The following CACNA2D3 variants were observed in gnomAD, a reference collection of about 807,000 sequenced individuals.
The protein encoded by CACNA2D3 is calcium voltage-gated channel auxiliary subunit alpha2delta 3.
CACNA2D3 carries 60 observed loss-of-function variants against 160.6 expected under a neutral mutation model. The ratio of observed to expected loss-of-function variants is 0.37; its 90% CI spans 0.30 to 0.46. CACNA2D3 has a LOEUF of 0.46. Among genes scored for constraint, CACNA2D3 ranks in the 20% least tolerant of loss-of-function variants. The pLI is 1.00. For synonymous variants in CACNA2D3, 558 were observed against 492.9 expected, an observed-to-expected ratio of 1.13 and a Z score of -1.75; for missense variants, 1,205 against 1,365.0, an observed-to-expected ratio of 0.88 and a Z score of 1.85.
intron 9 of CACNA2D3, among the ~76,000 whole-genome samples, chr3:54,589,500 A>G (rs1702821949): frequency 6.6e-6 from 1 of 152,144 alleles, no homozygotes; most frequent in African/African-American, 2.4e-5. Context: ...CTTAGGCTTT[A>G]CATCAAAAAT....
intron 2 of CACNA2D3, among the ~76,000 whole-genome samples, chr3:54,191,879 T>G (rs1214933522): frequency 6.6e-6 from 1 of 152,206 alleles, no homozygotes; most frequent in Non-Finnish European, 1.5e-5. Flanking sequence ...CGTTAGCTGT[T>G]GCTGTTGTTG....
At chr3:54,693,565 A>G (rs1371800402) in intron 11 of CACNA2D3, among the ~76,000 whole-genome samples, 1 of 152,230 alleles carries the variant, frequency 6.6e-6, no homozygotes, top group Non-Finnish European at 1.5e-5. Flanking sequence ...TATTGAAAAG[A>G]AAATTTAGCT....
chr3:55,045,329 C>T (rs1420960919), intron 35 of CACNA2D3, among the ~76,000 whole-genome samples: 2 of 152,158 alleles, frequency 1.3e-5, no homozygotes, highest in African/African-American at 4.8e-5. Flanking sequence ...GGATTACAGG[C>T]GTGAGCCACC....
intron 27 of CACNA2D3, among the ~76,000 whole-genome samples, chr3:54,959,588 A>G (rs1049050297): frequency 2.6e-5 from 4 of 152,192 alleles, no homozygotes; most frequent in African/African-American, 7.2e-5. Context: ...AGTAACTGTT[A>G]TTAGGTGGTG....
chr3:54,872,383 C>T (rs1345800074), intron 18 of CACNA2D3, among the ~76,000 whole-genome samples: 1 of 152,152 alleles, frequency 6.6e-6, no homozygotes. Flanking sequence ...GGTCCCTACT[C>T]TTCCCTTTTT....
chr3:55,073,404 C>T (rs774243496), intron 35 of CACNA2D3, 41 bp from the exon 36 acceptor site: 56 of 1,466,398 alleles, frequency 3.8e-5, no homozygotes, highest in Admixed American at 3.4e-4. Flanking sequence ...CTTTAATTGA[C>T]GGATGGTAAA....
At position 54,277,609 on chromosome 3, in the gene CACNA2D3, G is replaced by A. The variant is rs897733228; in HGVS notation, c.205-42833G>A. On this transcript the variant is annotated intron_variant, in intron 2 of 37. Coordinates refer to ENST00000474759, the MANE Select transcript of CACNA2D3 (RefSeq NM_018398.3). ...TTGCTTAGGATTGCCTTGGCTCTAC[G>A]GGCTTTTTTTTGATTCCATATGAAA... Among the ~76,000 whole-genome samples the A allele has an allele frequency of 4.6e-5, 7 of 152,196 alleles. No homozygotes were observed. The South Asian group carries it at 6.2e-4, about 14-fold the overall frequency.
At chr3:54,535,310 C>T (rs35512061) in intron 5 of CACNA2D3, among the ~76,000 whole-genome samples, 7,886 of 152,262 alleles carry the variant, frequency 0.052, 288 homozygotes, top group Non-Finnish European at 0.075. Flanking sequence ...AAATTTAGGA[C>T]TCACTGCTTT....
intron 2 of CACNA2D3, among the ~76,000 whole-genome samples, chr3:54,266,126 T>C (rs1349163216): frequency 2.0e-5 from 3 of 152,156 alleles, no homozygotes; most frequent in Non-Finnish European, 4.4e-5. Flanking sequence ...TGGAAGTTTT[T>C]GGTTGTTGCC....
chr3:54,280,948 C>G (rs535818278), intron 2 of CACNA2D3, among the ~76,000 whole-genome samples: 1 of 152,322 alleles, frequency 6.6e-6, no homozygotes, highest in African/African-American at 2.4e-5. Flanking sequence ...TACTTTCTTG[C>G]TTTTTTCCTT....
intron 13 of CACNA2D3, among the ~76,000 whole-genome samples, chr3:54,795,046 G>A (rs2106656648): frequency 6.6e-6 from 1 of 152,006 alleles, no homozygotes; most frequent in African/African-American, 2.4e-5. Flanking sequence ...TCATCTACTT[G>A]ATATTATCCT....
At chr3:54,445,423 A>G (rs1356076176) in intron 4 of CACNA2D3, among the ~76,000 whole-genome samples, 1 of 152,224 alleles carries the variant, frequency 6.6e-6, no homozygotes, top group African/African-American at 2.4e-5. Flanking sequence ...TTAGGAAACC[A>G]TTTCTGAGCT....
intron 10 of CACNA2D3, chr3:54,633,489 C>T (rs1345738403): frequency 6.6e-6 from 1 of 152,056 alleles, no homozygotes; most frequent in African/African-American, 2.4e-5. Context: ...TAAGAAAAAT[C>T]GGATTTATTG....
rs186772682 is a variant in CACNA2D3 at position 54,581,847 on chromosome 3, T to C, written c.933T>C (p.Thr311=). ...LHYVEPCLNG[T]LVQADRTNKE... is the part of the protein sequence containing the mutation. ...ATGTGGAACCTTGCCTGAATGGAAC[T>C]TTGGTGCAAGCCGACAGGACAAACA... The change falls in exon 9 of 38, where the codon ACT becomes ACC. Residue 311 remains threonine, a synonymous_variant. Coordinates refer to ENST00000474759, the MANE Select transcript of CACNA2D3 (RefSeq NM_018398.3). The C allele has an allele frequency of 6.2e-7, 1 of 1,613,824 alleles. No homozygotes were observed. The highest frequency in any genetic ancestry group is 1.7e-5 in the Admixed American group (1 of 60,002).
intron 27 of CACNA2D3, among the ~76,000 whole-genome samples, chr3:54,952,101 C>G (rs1044560352): frequency 2.6e-5 from 4 of 152,228 alleles, no homozygotes; most frequent in African/African-American, 9.6e-5. Context: ...CCGCCTCAGC[C>G]TCCCAAAGTG....
intron 2 of CACNA2D3, among the ~76,000 whole-genome samples, chr3:54,279,822 A>G (rs968063541): frequency 6.6e-6 from 1 of 152,132 alleles, no homozygotes; most frequent in African/African-American, 2.4e-5. Flanking sequence ...CCTCAACTCC[A>G]TGTGGTTGGT....
intron 3 of CACNA2D3, among the ~76,000 whole-genome samples, chr3:54,343,263 AGAG>A (rs995330427): frequency 7.2e-5 from 11 of 152,168 alleles, no homozygotes; most frequent in African/African-American, 2.7e-4. Context: ...CAATAAACTT[AGAG>A]GAGGGCTGGA....
chr3:54,644,639 A>T (rs753512789), intron 11 of CACNA2D3, among the ~76,000 whole-genome samples: 1 of 152,220 alleles, frequency 6.6e-6, no homozygotes, highest in Non-Finnish European at 1.5e-5. Flanking sequence ...TCAGGACAGA[A>T]AAAAATGATC....
At chr3:54,465,818 G>C (rs1176238625) in intron 4 of CACNA2D3, among the ~76,000 whole-genome samples, 1 of 152,142 alleles carries the variant, frequency 6.6e-6, no homozygotes, top group Non-Finnish European at 1.5e-5. Context: ...CAGAAGTCTG[G>C]GTGGGCTTGG....
Sources: allele counts gnomAD v4.1 joint callset (sites outside exome capture counted in the v4.1 genomes callset), GRCh38; gene constraint gnomAD v4.1.1; transcripts MANE v1.5; gene names NCBI Gene and HGNC (gene_info 2026-07-23, HGNC 2026-07-21).